The following ARHGAP36 variants were observed in gnomAD, a reference collection of about 807,000 sequenced individuals.
ARHGAP36 encodes rho GTPase-activating protein 36.
ARHGAP36 carries 7 observed loss-of-function variants against 32.9 expected under a neutral mutation model. The observed-to-expected ratio is 0.21, with a 90% CI of 0.12 to 0.40. ARHGAP36 has a LOEUF of 0.40. ARHGAP36 is among the 10% of genes least tolerant of loss of function. The pLI is 1.00. For synonymous variants in ARHGAP36, 165 were observed against 168.3 expected, an observed-to-expected ratio of 0.98 and a Z score of 0.15; for missense variants, 383 against 442.2, an observed-to-expected ratio of 0.87 and a Z score of 1.20.
chrX:131,081,969 TC>T, intron 2 of ARHGAP36, 51 bp downstream of exon 2: 1 of 1,186,491 alleles, frequency 8.4e-7, no homozygotes, highest in Non-Finnish European at 1.1e-6. Flanking sequence ...GAGTGGACCC[TC>T]CGGGCAGGAC....
chrX:131,083,712 T>G, intron 3 of ARHGAP36, 22 bp from the exon 4 acceptor site: 3 of 1,196,906 alleles, frequency 2.5e-6, no homozygotes, highest in Non-Finnish European at 3.4e-6. Flanking sequence ...CGTTTCTCAT[T>G]CTTTCTCTCG....
At chrX:131,065,321 C>T (rs948090496) in intron 1 of ARHGAP36, among the ~76,000 whole-genome samples, 1 of 111,688 alleles carries the variant, frequency 9.0e-6, no homozygotes, top group Non-Finnish European at 1.9e-5. Flanking sequence ...CTTTATGAAC[C>T]AAAGTGGAAC....
At chrX:131,058,712 G>A (rs759176687) in intron 1 of ARHGAP36, among the ~76,000 whole-genome samples, 1 of 113,479 alleles carries the variant, frequency 8.8e-6, no homozygotes, top group Non-Finnish European at 1.9e-5. Context: ...CTCAGCCGCC[G>A]GCAGGGACAG....
chrX:131,060,322 C>T (rs1212208353), intron 1 of ARHGAP36, among the ~76,000 whole-genome samples: 1 of 111,833 alleles, frequency 8.9e-6, no homozygotes, highest in Admixed American at 9.5e-5. Flanking sequence ...TAGAAGCCTA[C>T]ACCACACCCA....
Position 131,086,341 on chromosome X carries a change from A to G in ARHGAP36, c.1294A>G (p.Ile432Val). 1 of 1,211,676 alleles carries G rather than the reference A, an allele frequency of 8.3e-7. No individual in the cohort carries two copies. Among genetic ancestry groups the G allele is most frequent in the Middle Eastern group, 2.3e-4 (1 of 4,353 alleles). The stretch of plus-strand genomic sequence containing the variant: ...ATTCTACCCTCAGGTGCCTCCCCAT[A>G]TTCAGAGGCAGGTTGCTAAGCGCGT... Reference protein sequence around the residue: ...WDVLFQVPPHIQRQVAKRVWK... With the variant: ...WDVLFQVPPHVQRQVAKRVWK... The change falls in exon 10 of 12, where the codon ATT becomes GTT. Residue 432 changes from isoleucine (I) to valine (V), a missense_variant. Ile to Val is a conservative substitution (Grantham distance 29). This residue lies in a region of ARHGAP36 where 227 missense variants were observed against 311.3 expected (regional missense o/e 0.73). Transcript: ENST00000276211.
chrX:131,072,961 C>T lies in ARHGAP36; in HGVS notation c.-142-8563C>T, dbSNP rs998917630. The T allele has an allele frequency of 3.6e-5, 4 of 112,005 alleles. 1 individual carries two copies. Among genetic ancestry groups the T allele is most frequent in the African/African-American group, 6.5e-5 (2 of 30,805 alleles). The allele number at this position is 112,005 out of a possible 1,213,427, so 9.2% of individuals were successfully genotyped here. ...TACCCGCTGCCGCCCGCCGGACTGT[C>T]GAGCAGGTCACGCAGCCTTTCCCTG... On this transcript the variant is annotated intron_variant, in intron 1 of 11. Coordinates refer to ENST00000276211, the MANE Select transcript of ARHGAP36 (RefSeq NM_144967.4).
chrX:131,059,913 C>T (rs1475158554), intron 1 of ARHGAP36, among the ~76,000 whole-genome samples: 1 of 111,559 alleles, frequency 9.0e-6, no homozygotes, highest in African/African-American at 3.3e-5. Context: ...TGAGTAACCA[C>T]ATAGGAGGGA....
intron 8 of ARHGAP36, 31 bp from the exon 9 acceptor site, chrX:131,085,882 C>A: frequency 8.3e-7 from 1 of 1,202,964 alleles, no homozygotes. Context: ...ACTACCTCAG[C>A]GTCAATCACT....
At chrX:131,076,250 C>T (rs918647050) in intron 1 of ARHGAP36, among the ~76,000 whole-genome samples, 5 of 111,969 alleles carry the variant, frequency 4.5e-5, no homozygotes, top group African/African-American at 1.6e-4. Flanking sequence ...TAACTTCTTC[C>T]ACCACAATTT....
At position 131,068,321 on chromosome X, in the gene ARHGAP36, G is replaced by T. The variant is rs1157877935; in HGVS notation, c.-143+9877G>T. Among the ~76,000 whole-genome samples the T allele has an allele frequency of 2.3e-4, 26 of 111,505 alleles. No individual in the cohort carries two copies. In the Admixed American group the frequency reaches 2.4e-3, roughly 10 times the overall value. On this transcript the variant is annotated intron_variant, in intron 1 of 11. Coordinates refer to ENST00000276211, the MANE Select transcript of ARHGAP36 (RefSeq NM_144967.4). ...TTTGGGCGGAAGAGAAGGGGGCGAG[G>T]AGGAGAGGAGGGGAAAAAAGGAGGG...
At chrX:131,072,190 G>C (rs890242345) in intron 1 of ARHGAP36, among the ~76,000 whole-genome samples, 2 of 111,423 alleles carry the variant, frequency 1.8e-5, no homozygotes, top group African/African-American at 6.5e-5. Flanking sequence ...GTAGTGGGGG[G>C]CAGGGGTGGG....
chrX:131,072,789 A>G (rs1422289287), intron 1 of ARHGAP36, among the ~76,000 whole-genome samples: 5 of 111,640 alleles, frequency 4.5e-5, no homozygotes, highest in African/African-American at 1.6e-4. Context: ...AATTCAGCAA[A>G]CAGGTATACG....
intron 9 of ARHGAP36, 70 bp from the exon 10 acceptor site, chrX:131,086,259 C>G: frequency 3.5e-6 from 4 of 1,141,719 alleles, no homozygotes; most frequent in East Asian, 6.0e-5. Flanking sequence ...GTCCTAGGTA[C>G]CTGAAAGAGA....
Position 131,088,733 on chromosome X carries a change from G to T in ARHGAP36, c.1592G>T (p.Arg531Leu). The T allele has an allele frequency of 8.3e-7, 1 of 1,210,801 alleles. No homozygotes were observed. Among genetic ancestry groups the T allele is most frequent in the Non-Finnish European group, 1.1e-6 (1 of 895,235 alleles). Residue 531 changes from arginine to leucine, a missense_variant, in exon 12 of 12, where the codon CGT becomes CTT. Physicochemically the swap from Arg to Leu is moderately radical, Grantham distance 102 (BLOSUM62 -2). Coordinates refer to ENST00000276211, the MANE Select transcript of ARHGAP36 (RefSeq NM_144967.4). ...CCGGAGCAAGACCGCCCATTGCTCC[G>T]TGTGCCCCGGGAGAAGGAGGCCAAA... ...PIPEQDRPLL[R>L]VPREKEAKTG...
At chrX:131,077,636 A>G (rs2079769639) in intron 1 of ARHGAP36, among the ~76,000 whole-genome samples, 1 of 109,579 alleles carries the variant, frequency 9.1e-6, no homozygotes, top group Non-Finnish European at 1.9e-5. Context: ...AACAGGCTTG[A>G]TGCCATTCAA....
chrX:131,073,452 C>G (rs1339648075), intron 1 of ARHGAP36, among the ~76,000 whole-genome samples: 1 of 112,089 alleles, frequency 8.9e-6, no homozygotes, highest in East Asian at 2.8e-4. Flanking sequence ...CGAGGGCACG[C>G]AGCGGGACGG....
chrX:131,084,116 G>C, intron 4 of ARHGAP36, 99 bp from the exon 5 acceptor site: 6 of 1,047,006 alleles, frequency 5.7e-6, no homozygotes, highest in Non-Finnish European at 7.7e-6. Flanking sequence ...GCCACAAAGG[G>C]AATGTATCTT....
In ARHGAP36 at chrX:131,086,364, C is replaced by T. The variant is rs189514802; in HGVS notation, c.1317C>T (p.Arg439=). The change falls in exon 10 of 12, where the codon CGC becomes CGT. Residue 439 remains arginine, a synonymous_variant. Coordinates refer to ENST00000276211, the MANE Select transcript of ARHGAP36 (RefSeq NM_144967.4). ...ATATTCAGAGGCAGGTTGCTAAGCG[C>T]GTGTGGAAGTCCAGCCCGGAAGCAC... The part of the protein sequence containing the change: ...PPHIQRQVAK[R]VWKSSPEALD... The T allele has an allele frequency of 3.5e-5, 42 of 1,210,171 alleles. No individual in the cohort carries two copies. The African/African-American group carries it at 3.5e-4, about 10-fold the overall frequency.
chrX:131,079,922 G>A (rs985753236), intron 1 of ARHGAP36, among the ~76,000 whole-genome samples: 5 of 111,361 alleles, frequency 4.5e-5, no homozygotes, highest in Non-Finnish European at 7.5e-5. Flanking sequence ...CATGAGATTC[G>A]TCCCCTACTC....
Sources: gnomAD v4.1 joint callset for allele counts (sites outside exome capture counted in the v4.1 genomes callset) on GRCh38, gnomAD v4.1.1 for gene constraint, gnomAD v4.1.1 regional missense constraint, MANE v1.5 for transcripts, NCBI Gene and HGNC (gene_info 2026-07-23, HGNC 2026-07-21) for gene names.